CIITA: variants seen among roughly 807,000 people sequenced by gnomAD.
CIITA encodes MHC class II transactivator.
Under a neutral mutation model 115.1 loss-of-function variants are expected in CIITA, and 72 were observed. The ratio of observed to expected loss-of-function variants is 0.63; its 90% CI spans 0.52 to 0.76. The LOEUF (loss-of-function observed/expected upper bound fraction) is 0.76. Ranked by LOEUF, CIITA falls within the 30% of genes least tolerant of loss-of-function variation. The probability of loss-of-function intolerance (pLI) is 0.00; values close to 1 mark genes in which losing one functional copy is unlikely to be tolerated. For synonymous variants in CIITA, 763 were observed against 635.6 expected (o/e 1.20, Z -3.02); for missense variants, 1,617 against 1,463.8 (o/e 1.10, Z -1.71).
chr16:10,922,331 C>G (rs2040318513), intron 17 of CIITA, 76 bp from the exon 18 acceptor site: 2 of 1,606,268 alleles, frequency 1.2e-6, no homozygotes, highest in Admixed American at 1.7e-5. Context: ...CCTGGAAGAG[C>G]TGGATGTGGG....
rs868112925 is a variant in CIITA at position 10,902,752 on chromosome 16, G to A, written c.723G>A (p.Trp241Ter). The A allele has an allele frequency of 6.2e-7, 1 of 1,614,058 alleles. No individual in the cohort carries two copies. The highest frequency in any genetic ancestry group is 8.5e-7 in the Non-Finnish European group (1 of 1,180,032). Residue 241 changes from tryptophan to a stop codon, truncating the protein, a stop_gained, in exon 8 of 20, where the codon TGG (tryptophan) becomes TGA (stop). Coordinates refer to ENST00000324288, the MANE Select transcript of CIITA (RefSeq NM_000246.4). LOFTEE classifies it high-confidence loss of function. ...TCTCCACTCTGCCCCATGGGCTCTGGCAAATCTCTGAGGCTGGAACAGGGG... is the reference window on the plus strand; with the variant it reads ...TCTCCACTCTGCCCCATGGGCTCTGACAAATCTCTGAGGCTGGAACAGGGG... Reference protein sequence around the residue: ...PTISTLPHGLWQISEAGTGVS... With the variant: ...PTISTLPHGL
In CIITA at chr16:10,923,105, C is replaced by A; in HGVS notation, c.3318-123C>A. ...ATGACCCACACCGGTCGGTATCTTG[C>A]CAGGGGAAAAGTCCCCAACGTTCTA... On this transcript the variant is annotated intron_variant, in intron 18 of 19. Coordinates refer to ENST00000324288, the MANE Select transcript of CIITA (RefSeq NM_000246.4). This position sits in a 1 kb window ranked among gnomAD's most constrained non-coding sequence, Gnocchi z 5.2. The A allele has an allele frequency of 1.2e-6, 1 of 844,864 alleles. No homozygotes were observed. The highest frequency in any genetic ancestry group is 2.4e-5 in the East Asian group (1 of 41,232). The allele number at this position is 844,864 out of a possible 1,614,324, so 52.3% of individuals were successfully genotyped here.
Position 10,879,204 on chromosome 16 carries a change from C to G in CIITA, c.52+1822C>G, listed in dbSNP as rs569618128. On this transcript the variant is annotated intron_variant, in intron 1 of 19. Transcript: ENST00000324288. This position sits in a 1 kb window ranked among gnomAD's most constrained non-coding sequence, Gnocchi z 4.3. ...GGAAACACCTCGTTTCCAGCATCCC[C>G]GCAACGACTCTGCGCGGGAACCAGG... Among the ~76,000 whole-genome samples, 186 of 152,266 alleles carry G rather than the reference C, an allele frequency of 1.2e-3. No homozygotes were observed. Among genetic ancestry groups the G allele is most frequent in the South Asian group, 7.3e-3 (35 of 4,826 alleles).
At position 10,923,709 on chromosome 16, in the gene CIITA, A is replaced by C. The variant is rs75706434; in HGVS notation, c.*23-169A>C. 2.6e-5 allele frequency among the ~76,000 whole-genome samples: 4 copies of C among 151,834 alleles called. No homozygotes were observed. The highest frequency in any genetic ancestry group is 2.6e-4 in the Admixed American group (4 of 15,252). On this transcript the variant is annotated intron_variant, in intron 19 of 19. Coordinates refer to ENST00000324288, the MANE Select transcript of CIITA (RefSeq NM_000246.4). This position sits in a 1 kb window ranked among gnomAD's most constrained non-coding sequence, Gnocchi z 5.2. ...CTTGACAAGTCTCCTGCTCCTCACTATGAAGATCACTGTCCCCCAGCCCTG... is the reference window on the plus strand; with the variant it reads ...CTTGACAAGTCTCCTGCTCCTCACTCTGAAGATCACTGTCCCCCAGCCCTG...
At position 10,895,367 on chromosome 16, in the gene CIITA, C is replaced by T. The variant is rs748956506; in HGVS notation, c.138C>T (p.Cys46=). 1.2e-6 allele frequency: 2 copies of T among 1,614,124 alleles called. No homozygotes were observed. The highest frequency in any genetic ancestry group is 1.3e-5 in the African/African-American group (1 of 75,028). Residue 46 remains cysteine, a synonymous_variant, in exon 2 of 20, where the codon TGC becomes TGT. Coordinates refer to ENST00000324288, the MANE Select transcript of CIITA (RefSeq NM_000246.4). ...ELLNSDADPL[C]LYHFYDQMDL... ...TTAACAGCGATGCTGACCCCCTGTG[C>T]CTCTACCACTTCTATGACCAGATGG... is the stretch of plus-strand genomic sequence containing the variant.
rs2041112636 is a variant in CIITA at position 10,942,279 on chromosome 16, C to T, written n.1405C>T. The T allele has an allele frequency of 6.1e-6, 2 of 329,666 alleles. No individual in the cohort carries two copies. Among genetic ancestry groups the T allele is most frequent in the African/African-American group, 4.4e-5 (2 of 45,266 alleles). The allele number at this position is 329,666 out of a possible 1,614,324, so 20.4% of individuals were successfully genotyped here. A position where few individuals can be genotyped will look rare whatever the true frequency, so the allele number is the denominator to read the frequency against. On this transcript the variant is annotated non_coding_transcript_exon_variant, in exon 2 of 2. Coordinates refer to the CIITA transcript ENST00000573379. The surrounding 1 kb of genome is among the most constrained non-coding windows in gnomAD (Gnocchi z 5.0). ...AAGTGGCCCGCGGCTGCCCGGCTCCCTCGTGGCGCCTCCCTGGCGCTCGCA... is the reference window on the plus strand; with the variant it reads ...AAGTGGCCCGCGGCTGCCCGGCTCCTTCGTGGCGCCTCCCTGGCGCTCGCA...
chr16:10,893,804 TAA>T (rs71136603), intron 1 of CIITA, among the ~76,000 whole-genome samples: 2,049 of 31,862 alleles, frequency 0.064, 84 homozygotes, highest in African/African-American at 0.11. Flanking sequence ...GACTCCGTCT[TAA>T]AAAAAAAAAA....
At chr16:10,887,307 A>G (rs968121416) in intron 1 of CIITA, among the ~76,000 whole-genome samples, 1 of 152,096 alleles carries the variant, frequency 6.6e-6, no homozygotes, top group African/African-American at 2.4e-5. Context: ...CAGAATCTCA[A>G]AAAGACTCAA....
Position 10,907,987 on chromosome 16 carries a change from G to C in CIITA, c.2495G>C (p.Arg832Pro). 1 of 1,588,324 alleles carries C rather than the reference G, an allele frequency of 6.3e-7. No individual in the cohort carries two copies. Among genetic ancestry groups the C allele is most frequent in the Non-Finnish European group, 8.6e-7 (1 of 1,165,124 alleles). Residue 832 changes from arginine to proline, a missense_variant, in exon 11 of 20, where the codon CGC becomes CCC. By Grantham distance (103) the Arg-to-Pro change is moderately radical. Coordinates refer to ENST00000324288, the MANE Select transcript of CIITA (RefSeq NM_000246.4). The surrounding 1 kb of genome is among the most constrained non-coding windows in gnomAD (Gnocchi z 5.0). The stretch of plus-strand genomic sequence containing the variant: ...CACGTGGTACAGGAGCTCCCCGGCC[G>C]CCTCTCTTTTCTGGGCACCCGCCTC... ...WQHVVQELPG[R>P]LSFLGTRLTP...
intron 10 of CIITA, among the ~76,000 whole-genome samples, chr16:10,905,846 G>C (rs1159967081): frequency 6.6e-6 from 1 of 152,078 alleles, no homozygotes; most frequent in East Asian, 1.9e-4. Context: ...GTGGAAATGA[G>C]TGAACTAATG....
At chr16:10,918,589 C>A in intron 16 of CIITA, 63 bp downstream of exon 16, 1 of 1,443,292 alleles carries the variant, frequency 6.9e-7, no homozygotes, top group Non-Finnish European at 9.7e-7. Flanking sequence ...GCAGGGAACC[C>A]ACATCGTGCT....
intron 11 of CIITA, 96 bp downstream of exon 11, chr16:10,908,245 T>A: frequency 7.1e-7 from 1 of 1,407,266 alleles, no homozygotes. Flanking sequence ...TCTTTTAGTA[T>A]GCAGAGCAGC....
intron 16 of CIITA, among the ~76,000 whole-genome samples, chr16:10,919,930 G>A (rs1300669534): frequency 6.6e-6 from 1 of 152,198 alleles, no homozygotes; most frequent in Non-Finnish European, 1.5e-5. Flanking sequence ...GCCCCAGGAG[G>A]GTACAGGACT....
intron 3 of CIITA, among the ~76,000 whole-genome samples, chr16:10,897,941 T>C (rs1304621387): frequency 6.6e-6 from 1 of 152,184 alleles, no homozygotes; most frequent in Non-Finnish European, 1.5e-5. Context: ...TCTACCACCG[T>C]CACCTATCTC....
At position 10,895,643 on chromosome 16, in the gene CIITA, T is replaced by G. The variant is rs202209200; in HGVS notation, c.200-26T>G. ...AGCCCTCTTTCCAGAAATTTCCTTCTTCATCCAAGGGACTTTTCCTCCCAG... is the reference window on the plus strand; with the variant it reads ...AGCCCTCTTTCCAGAAATTTCCTTCGTCATCCAAGGGACTTTTCCTCCCAG... On this transcript the variant is annotated intron_variant, in intron 2 of 19. Transcript: ENST00000324288. The G allele has an allele frequency of 6.2e-6, 10 of 1,613,920 alleles. No homozygotes were observed. The South Asian group carries it at 1.1e-4, about 18-fold the overall frequency.
intron 1 of CIITA, among the ~76,000 whole-genome samples, chr16:10,886,572 G>T (rs767043224): frequency 6.6e-6 from 1 of 152,144 alleles, no homozygotes; most frequent in Non-Finnish European, 1.5e-5. Flanking sequence ...CTCCAGAGCG[G>T]CCCCATCCAT....
chr16:10,896,032 A>T (rs1413187256), intron 3 of CIITA, among the ~76,000 whole-genome samples: 2 of 151,696 alleles, frequency 1.3e-5, no homozygotes, highest in Non-Finnish European at 2.9e-5. Context: ...TTCTATACGC[A>T]TTTCTGCTTC....
At chr16:10,938,522 A>G (rs1309101794), downstream of CIITA, 1 of 152,176 alleles carries the variant, frequency 6.6e-6, no homozygotes, top group African/African-American at 2.4e-5. The surrounding 1 kb of genome is among the most constrained non-coding windows in gnomAD (Gnocchi z 4.9). Flanking sequence ...ATGGCTGAGA[A>G]AGAGCAGGAC....
chr16:10,879,797 G>A lies in CIITA; in HGVS notation c.52+2415G>A, dbSNP rs1424654149. On this transcript the variant is annotated intron_variant, in intron 1 of 19. Transcript: ENST00000324288. This position sits in a 1 kb window ranked among gnomAD's most constrained non-coding sequence, Gnocchi z 4.3. ...GGAGTGGGAGATTGGATCTCCCTGG[G>A]GTCCAGGAAAGCCGGAATCGGAGCC... Among the ~76,000 whole-genome samples the A allele has an allele frequency of 5.9e-5, 9 of 152,240 alleles. No individual in the cohort carries two copies. The East Asian group carries it at 9.7e-4, about 16-fold the overall frequency.
Sources: allele counts gnomAD v4.1 joint callset (sites outside exome capture counted in the v4.1 genomes callset), GRCh38; gene constraint gnomAD v4.1.1; non-coding constraint Gnocchi (gnomAD v3.1); transcripts MANE v1.5; gene names NCBI Gene and HGNC (gene_info 2026-07-23, HGNC 2026-07-21).